AUTS2: variants seen among roughly 807,000 people sequenced by gnomAD.
AUTS2 encodes activator of transcription and developmental regulator AUTS2.
In AUTS2, 17 loss-of-function variants were observed where a neutral mutation model predicts 112.4. The observed-to-expected ratio is 0.15, with a 90% CI of 0.10 to 0.23. The LOEUF (loss-of-function observed/expected upper bound fraction) is 0.23. AUTS2 is among the 10% of genes least tolerant of loss of function. AUTS2 has a pLI of 1.00. For missense variants in AUTS2, 1,510 were observed against 1,701.6 expected (o/e 0.89, Z 1.98); for synonymous variants, 751 against 702.7 (o/e 1.07, Z -1.09).
chr7:70,131,192 C>T (rs761584450), intron 3 of AUTS2, among the ~76,000 whole-genome samples: 5 of 152,034 alleles, frequency 3.3e-5, no homozygotes, highest in Non-Finnish European at 7.4e-5. Context: ...CGCCTCATGC[C>T]TGTAATCCCA....
At chr7:70,285,333 T>C (rs1788408489) in intron 4 of AUTS2, among the ~76,000 whole-genome samples, 1 of 152,226 alleles carries the variant, frequency 6.6e-6, no homozygotes, top group African/African-American at 2.4e-5. Flanking sequence ...TCAGTATTTG[T>C]TCCTCAAGGC....
intron 1 of AUTS2, among the ~76,000 whole-genome samples, chr7:69,649,558 C>T (rs563657698): frequency 6.6e-5 from 10 of 152,052 alleles, no homozygotes; most frequent in East Asian, 1.9e-4. Context: ...TCACCTCATC[C>T]TCCTTTCCGT....
At chr7:70,248,862 A>G (rs1813065806) in intron 4 of AUTS2, among the ~76,000 whole-genome samples, 1 of 152,194 alleles carries the variant, frequency 6.6e-6, no homozygotes, top group Non-Finnish European at 1.5e-5. Flanking sequence ...ATTTACCTTA[A>G]TTCTGTTGTA....
intron 5 of AUTS2, among the ~76,000 whole-genome samples, chr7:70,498,690 CT>C (rs1463062262): frequency 2.6e-5 from 4 of 152,226 alleles, no homozygotes; most frequent in South Asian, 2.1e-4. Flanking sequence ...TTTAAAGTGC[CT>C]TTTGATTCTC....
At chr7:70,600,429 C>A (rs1314807321) in intron 5 of AUTS2, among the ~76,000 whole-genome samples, 1 of 152,140 alleles carries the variant, frequency 6.6e-6, no homozygotes, top group Non-Finnish European at 1.5e-5. Flanking sequence ...GCGCCCGCCA[C>A]CACTCCTGGC....
intron 4 of AUTS2, among the ~76,000 whole-genome samples, chr7:70,337,870 G>T (rs77364557): frequency 0.021 from 3,133 of 152,324 alleles, 128 homozygotes; most frequent in African/African-American, 0.071. Flanking sequence ...GTTTACTGTT[G>T]TTGGAAGCTA....
At chr7:70,281,357 GAGATT>G (rs1788206262) in intron 4 of AUTS2, among the ~76,000 whole-genome samples, 1 of 152,198 alleles carries the variant, frequency 6.6e-6, no homozygotes. Flanking sequence ...TCTAGAGAAA[GAGATT>G]AGTTTGCAAT....
At chr7:70,526,062 T>C (rs995188226) in intron 5 of AUTS2, among the ~76,000 whole-genome samples, 2 of 152,128 alleles carry the variant, frequency 1.3e-5, no homozygotes, top group Middle Eastern at 3.4e-3. Flanking sequence ...GAAAAAAAAA[T>C]AACCCACACA....
Position 69,819,173 on chromosome 7 carries a change from C to G in AUTS2, c.310-80113C>G, listed in dbSNP as rs547220100. On this transcript the variant is annotated intron_variant, in intron 1 of 18. Transcript: ENST00000342771. ...TTTTGAACGGAAGGGAATTGTGCAA[C>G]ACATCAAATAAACTCAAGCAGTGTC... 7.2e-5 allele frequency among the ~76,000 whole-genome samples: 11 copies of G among 152,242 alleles called. No homozygotes were observed. The South Asian group carries it at 1.9e-3, about 26-fold the overall frequency.
intron 6 of AUTS2, among the ~76,000 whole-genome samples, chr7:70,733,655 C>T (rs546980366): frequency 1.3e-5 from 2 of 151,726 alleles, no homozygotes; most frequent in African/African-American, 4.8e-5. Context: ...GGGGTGGTCT[C>T]GGCACACTGC....
chr7:70,668,820 G>C (rs1807483712), intron 5 of AUTS2, among the ~76,000 whole-genome samples: 1 of 152,216 alleles, frequency 6.6e-6, no homozygotes. Context: ...ATGGTGCCAG[G>C]GGCTGGCCCA....
rs781376033 is a variant in AUTS2, at chr7:70,790,240, C to G, written c.3024C>G (p.Pro1008=). ...QTHRASEPPP[P]NSSSSVHPGP... is the part of the protein sequence containing the mutation. ...ACCGGGCCTCGGAGCCGCCGCCTCC[C>G]AACTCCTCGTCCAGCGTGCACCCGG... The change falls in exon 19 of 19, where the codon CCC becomes CCG. Residue 1008 remains proline, a synonymous_variant. Coordinates refer to ENST00000342771, the MANE Select transcript of AUTS2 (RefSeq NM_015570.4). This position sits in a 1 kb window ranked among gnomAD's most constrained non-coding sequence, Gnocchi z 7.6. The G allele has an allele frequency of 6.2e-7, 1 of 1,612,838 alleles. No homozygotes were observed. The highest frequency in any genetic ancestry group is 8.5e-7 in the Non-Finnish European group (1 of 1,179,818).
intron 1 of AUTS2, among the ~76,000 whole-genome samples, chr7:69,814,575 T>C (rs1790677225): frequency 6.6e-6 from 1 of 152,242 alleles, no homozygotes; most frequent in East Asian, 1.9e-4. Flanking sequence ...CTGCACAGTC[T>C]GGAGCCGCTC....
chr7:70,561,360 A>G (rs4717533), intron 5 of AUTS2, among the ~76,000 whole-genome samples: 45,688 of 152,120 alleles, frequency 0.3, 7,319 homozygotes, highest in Admixed American at 0.42. Flanking sequence ...AAGCACAGGG[A>G]CTCACACTTG....
intron 2 of AUTS2, among the ~76,000 whole-genome samples, chr7:70,004,201 ATAT>A (rs1799408697): frequency 3.4e-5 from 2 of 59,502 alleles, no homozygotes; most frequent in South Asian, 5.0e-4. Flanking sequence ...AATATATATT[ATAT>A]ATATGAATGT....
chr7:70,392,419 C>G (rs1308575641), intron 4 of AUTS2, among the ~76,000 whole-genome samples: 1 of 152,082 alleles, frequency 6.6e-6, no homozygotes, highest in Non-Finnish European at 1.5e-5. Context: ...CTGTGTTCTT[C>G]CTTGCAAAAA....
chr7:69,767,001 A>G (rs563932573), intron 1 of AUTS2, among the ~76,000 whole-genome samples: 7 of 152,152 alleles, frequency 4.6e-5, no homozygotes, highest in Non-Finnish European at 1.0e-4. Flanking sequence ...CCCTGCTACT[A>G]TATGCTTGAG....
intron 1 of AUTS2, among the ~76,000 whole-genome samples, chr7:69,835,828 A>G (rs1055722133): frequency 6.6e-6 from 1 of 152,240 alleles, no homozygotes; most frequent in African/African-American, 2.4e-5. Flanking sequence ...AATGCTATAT[A>G]CAACACCCCA....
intron 4 of AUTS2, among the ~76,000 whole-genome samples, chr7:70,420,710 C>T (rs991901036): frequency 6.6e-6 from 1 of 152,076 alleles, no homozygotes; most frequent in African/African-American, 2.4e-5. Context: ...CTGTATGGTT[C>T]CATTTATGTA....
Sources: gnomAD v4.1 joint callset for allele counts (sites outside exome capture counted in the v4.1 genomes callset) on GRCh38, gnomAD v4.1.1 for gene constraint, Gnocchi (gnomAD v3.1) non-coding constraint, MANE v1.5 for transcripts, NCBI Gene and HGNC (gene_info 2026-07-23, HGNC 2026-07-21) for gene names.